Variants in PCDHGB5 observed in about 807,000 individuals in gnomAD.
PCDHGB5 encodes protocadherin gamma subfamily B, 5.
A neutral mutation model predicts 62.9 loss-of-function variants in PCDHGB5; 48 were observed. That is an observed-to-expected ratio of 0.76 (90% CI 0.61 to 0.97). The LOEUF (loss-of-function observed/expected upper bound fraction) is 0.97. Among genes scored for constraint, PCDHGB5 ranks in the 50% least tolerant of loss-of-function variants. The pLI is 0.00. For synonymous variants in PCDHGB5, 474 were observed against 511.2 expected, an observed-to-expected ratio of 0.93 and a Z score of 0.98; for missense variants, 1,118 against 1,198.6, an observed-to-expected ratio of 0.93 and a Z score of 0.99.
intron 1 of PCDHGB5, among the ~76,000 whole-genome samples, chr5:141,443,787 A>C (rs957552086): frequency 3.3e-5 from 5 of 152,222 alleles, no homozygotes; most frequent in African/African-American, 1.2e-4. Flanking sequence ...AAGACAAAAA[A>C]AATGAAAAGG....
intron 3 of PCDHGB5, among the ~76,000 whole-genome samples, chr5:141,510,214 A>G (rs1047332886): frequency 6.6e-6 from 1 of 151,406 alleles, no homozygotes; most frequent in Non-Finnish European, 1.5e-5. Context: ...CAGAGGTTGC[A>G]GTGAGCCGGG....
chr5:141,414,556 T>G, intron 1 of PCDHGB5: 2 of 1,613,990 alleles, frequency 1.2e-6, no homozygotes, highest in Non-Finnish European at 1.7e-6. Flanking sequence ...TCAAGTCTCC[T>G]ACTTTACCTA....
At chr5:141,456,044 C>T (rs1307913066) in intron 1 of PCDHGB5, among the ~76,000 whole-genome samples, 2 of 151,826 alleles carry the variant, frequency 1.3e-5, no homozygotes, top group African/African-American at 2.4e-5. Context: ...ACTACAGGCG[C>T]CCACCACCAC....
At chr5:141,413,369 A>G (rs767278842) in intron 1 of PCDHGB5, 1 of 1,613,964 alleles carries the variant, frequency 6.2e-7, no homozygotes, top group South Asian at 1.1e-5. Context: ...GAGCTGGCGG[A>G]GCGCGGAGTC....
chr5:141,417,211 T>C (rs1027777607), intron 1 of PCDHGB5: 1 of 152,174 alleles, frequency 6.6e-6, no homozygotes, highest in Admixed American at 6.5e-5. Context: ...TAGGCTAGAA[T>C]TGAAGACAAA....
Position 141,431,168 on chromosome 5 carries a change from G to A in PCDHGB5, c.2397+30644G>A, listed in dbSNP as rs779778442. On this transcript the variant is annotated intron_variant, in intron 1 of 3. Coordinates refer to ENST00000617380, the MANE Select transcript of PCDHGB5 (RefSeq NM_018925.3). This position sits in a 1 kb window ranked among gnomAD's most constrained non-coding sequence, Gnocchi z 4.8. Reference sequence around the variant, plus strand: ...CAATGCGCCTTACTTTCGTGAAAGTGAATTAGAAATAAAAATTAGTGAAAA... The same window carrying A: ...CAATGCGCCTTACTTTCGTGAAAGTAAATTAGAAATAAAAATTAGTGAAAA... The A allele has an allele frequency of 9.9e-6, 16 of 1,614,206 alleles. No individual in the cohort carries two copies. The Admixed American group carries it at 1.2e-4, about 12-fold the overall frequency.
chr5:141,461,595 A>C (rs2099018386), intron 1 of PCDHGB5, among the ~76,000 whole-genome samples: 1 of 152,144 alleles, frequency 6.6e-6, no homozygotes, highest in East Asian at 1.9e-4. Flanking sequence ...TATTTCCATT[A>C]TAATTTAGTT....
At chr5:141,498,881 T>C (rs9686648) in intron 2 of PCDHGB5, among the ~76,000 whole-genome samples, 77,838 of 149,554 alleles carry the variant, frequency 0.52, 20,828 homozygotes, top group African/African-American at 0.65. Flanking sequence ...TGCAGTGAGC[T>C]GAGATCACAC....
rs752412467 is a variant in PCDHGB5 at position 141,405,390 on chromosome 5, TTTTC to T, written c.2397+4878_2397+4881del. On this transcript the variant is annotated intron_variant, in intron 1 of 3. Transcript: ENST00000617380. ...CCTTTGGTTCCGGTGAGTTCATTTTTTTTCTTTCTTTCTTTTCTTTTTTTGTTTT... is the reference window on the plus strand; with the variant it reads ...CCTTTGGTTCCGGTGAGTTCATTTTTTTTCTTTCTTTTCTTTTTTTGTTTT... 1.6e-5 allele frequency: 26 copies of T among 1,600,118 alleles called. No homozygotes were observed. The East Asian group carries it at 1.8e-4, about 11-fold the overall frequency.
At position 141,487,557 on chromosome 5, in the gene PCDHGB5, T is replaced by C. The variant is rs751511771; in HGVS notation, c.2398-7250T>C. On this transcript the variant is annotated intron_variant, in intron 1 of 3. Coordinates refer to ENST00000617380, the MANE Select transcript of PCDHGB5 (RefSeq NM_018925.3). The surrounding 1 kb of genome is among the most constrained non-coding windows in gnomAD (Gnocchi z 5.0). The stretch of plus-strand genomic sequence containing the variant: ...ATGGTGAAGTCACCCAGTGCACCTA[T>C]GGCAGGGGAGCCTGTTCGCCCAAGC... The C allele has an allele frequency of 1.9e-5, 31 of 1,614,060 alleles. No homozygotes were observed. In the East Asian group the frequency reaches 4.2e-4, roughly 22 times the overall value.
At chr5:141,410,438 G>T (rs957017717) in intron 1 of PCDHGB5, 1 of 1,613,894 alleles carries the variant, frequency 6.2e-7, no homozygotes, top group African/African-American at 1.3e-5. Flanking sequence ...CTACAGTGAG[G>T]GGACTTTGCC....
chr5:141,430,705 T>C (rs914464861), intron 1 of PCDHGB5: 3 of 1,477,958 alleles, frequency 2.0e-6, no homozygotes, highest in African/African-American at 2.8e-5. Flanking sequence ...AAGGAACTGC[T>C]CCTGACTTCA....
At chr5:141,421,478 G>T in intron 1 of PCDHGB5, 1 of 1,614,130 alleles carries the variant, frequency 6.2e-7, no homozygotes, top group Non-Finnish European at 8.5e-7. Flanking sequence ...CGAAGCGGCA[G>T]CTTGATCACG....
intron 1 of PCDHGB5, among the ~76,000 whole-genome samples, chr5:141,453,360 C>T (rs966238012): frequency 6.6e-6 from 1 of 152,000 alleles, no homozygotes; most frequent in Non-Finnish European, 1.5e-5. Context: ...CCCTGAACTC[C>T]TGGGGTCAAG....
In PCDHGB5 at chr5:141,432,357, T is replaced by C. The variant is rs778669079; in HGVS notation, c.2397+31833T>C. 6.2e-7 allele frequency: 1 copy of C among 1,614,244 alleles called. No homozygotes were observed. Among genetic ancestry groups the C allele is most frequent in the African/African-American group, 1.3e-5 (1 of 75,072 alleles). The stretch of plus-strand genomic sequence containing the variant: ...TTCCGAGACTTGCAAGTGAAAGTGA[T>C]GGCGCGGGACAACGGGCACCCGCCC... On this transcript the variant is annotated intron_variant, in intron 1 of 3. Coordinates refer to ENST00000617380, the MANE Select transcript of PCDHGB5 (RefSeq NM_018925.3). This position sits in a 1 kb window ranked among gnomAD's most constrained non-coding sequence, Gnocchi z 6.0.
chr5:141,412,233 A>G (rs866840267), intron 1 of PCDHGB5: 4 of 152,256 alleles, frequency 2.6e-5, no homozygotes, highest in Admixed American at 6.5e-5. Context: ...TTAAAAACCT[A>G]TATCACTACA....
intron 1 of PCDHGB5, among the ~76,000 whole-genome samples, chr5:141,426,005 G>A (rs189148799): frequency 4.1e-4 from 63 of 152,202 alleles, no homozygotes; most frequent in Admixed American, 2.1e-3. Flanking sequence ...AAAGGCTTCC[G>A]GCTGCAGTTT....
intron 1 of PCDHGB5, among the ~76,000 whole-genome samples, chr5:141,447,463 C>T (rs1004772636): frequency 6.6e-6 from 1 of 152,142 alleles, no homozygotes; most frequent in African/African-American, 2.4e-5. Context: ...AGTTTTTCTT[C>T]ACCATCTGTA....
intron 1 of PCDHGB5, chr5:141,419,043 ATTC>A (rs560207463): frequency 6.2e-5 from 100 of 1,613,840 alleles, no homozygotes; most frequent in Non-Finnish European, 8.1e-5. Context: ...TTTAAGATTC[ATTC>A]TTCTTCTAAT....
Sources: allele counts gnomAD v4.1 joint callset (sites outside exome capture counted in the v4.1 genomes callset), GRCh38; gene constraint gnomAD v4.1.1; non-coding constraint Gnocchi (gnomAD v3.1); transcripts MANE v1.5; gene names NCBI Gene and HGNC (gene_info 2026-07-23, HGNC 2026-07-21).